USP54: variants seen among roughly 807,000 people sequenced by gnomAD.
The protein encoded by USP54 is ubiquitin specific peptidase 54.
In USP54, 87 loss-of-function variants were observed where a neutral mutation model predicts 170.5. The observed-to-expected ratio is 0.51, with a 90% CI of 0.43 to 0.61. The LOEUF is 0.61. Among genes scored for constraint, USP54 ranks in the 20% least tolerant of loss-of-function variants. The pLI, the probability that USP54 is intolerant of heterozygous loss-of-function variation, is 0.00. For missense variants in USP54, 1,786 were observed against 2,047.8 expected (o/e 0.87, Z 2.47); for synonymous variants, 655 against 742.8 (o/e 0.88, Z 1.92).
chr10:73,500,562 A>AC (rs1416409499), intron 23 of USP54, 93 bp downstream of exon 23: 2 of 1,244,330 alleles, frequency 1.6e-6, no homozygotes, highest in Non-Finnish European at 2.2e-6. Flanking sequence ...ACCTTGGGAT[A>AC]CCCCCCTCCC....
chr10:73,542,568 CA>C (rs573737920), intron 7 of USP54, among the ~76,000 whole-genome samples: 17 of 151,986 alleles, frequency 1.1e-4, no homozygotes, highest in Non-Finnish European at 2.4e-4. Flanking sequence ...GCTAAAAACA[CA>C]AAAAAATTAG....
chr10:73,541,359 G>A lies in USP54; in HGVS notation c.825+16C>T. On this transcript the variant is annotated intron_variant, in intron 9 of 23. Transcript: ENST00000687698. ...GCAAGAACTCAAAGTGAGAGATAAA[G>A]GTAACTAACACGCACATCACCCAGC... The A allele has an allele frequency of 6.2e-7, 1 of 1,613,694 alleles. No homozygotes were observed.
chr10:73,518,831 T>G (rs1462760236), intron 19 of USP54: 1 of 151,644 alleles, frequency 6.6e-6, no homozygotes. Context: ...AACCGATTCT[T>G]CCACCCAAGC....
In USP54 at chr10:73,532,678, C is replaced by T. The variant is rs560219245; in HGVS notation, c.1316-1843G>A. Among the ~76,000 whole-genome samples, 7 of 152,264 alleles carry T rather than the reference C, an allele frequency of 4.6e-5. No individual in the cohort carries two copies. The South Asian group carries it at 1.0e-3, about 23-fold the overall frequency. Reference sequence around the variant, plus strand: ...GAAAGCCAGCACAAGTCTGACAAAACCTCTAGGTCCAACTACCAATTTACA... The same window carrying T: ...GAAAGCCAGCACAAGTCTGACAAAATCTCTAGGTCCAACTACCAATTTACA... On this transcript the variant is annotated intron_variant, in intron 12 of 23. Coordinates refer to ENST00000687698, the MANE Select transcript of USP54 (RefSeq NM_001391956.1).
intron 19 of USP54, 76 bp downstream of exon 19, chr10:73,519,721 A>G: frequency 6.3e-7 from 1 of 1,591,908 alleles, no homozygotes; most frequent in Non-Finnish European, 8.6e-7. Context: ...CAAGACAATG[A>G]GAGCTCTTGC....
At chr10:73,574,759 T>C (rs532865059) in intron 3 of USP54, among the ~76,000 whole-genome samples, 89 of 147,930 alleles carry the variant, frequency 6.0e-4, no homozygotes, top group Non-Finnish European at 9.5e-4. Flanking sequence ...CTCAGGAGAC[T>C]GAGGCAGTAG....
chr10:73,508,127 G>C (rs1183964650), intron 20 of USP54, among the ~76,000 whole-genome samples: 2 of 152,212 alleles, frequency 1.3e-5, no homozygotes, highest in East Asian at 3.8e-4. Context: ...TTAAAAGAAG[G>C]CAGGGTGCGA....
At chr10:73,601,607 G>A (rs756289974) in intron 1 of USP54, among the ~76,000 whole-genome samples, 7 of 151,756 alleles carry the variant, frequency 4.6e-5, no homozygotes, top group Non-Finnish European at 7.4e-5. Context: ...TTCAGTCAGC[G>A]TCTAGAGCAG....
chr10:73,505,319 G>A lies in USP54; in HGVS notation c.4159C>T (p.Arg1387Cys), dbSNP rs745424344. Residue 1387 changes from arginine (R) to cysteine (C), a missense_variant, in exon 21 of 24, where the codon CGT becomes TGT. Coordinates refer to ENST00000687698, the MANE Select transcript of USP54 (RefSeq NM_001391956.1). ...CCTGAGGCTGCTACCTGAGAAGTAC[G>A]CACTGTTCTGGCTTCATGGAGACCA... ...EHGLHEARTV[R>C]TSQATPCRGL... 18 of 1,613,742 alleles carry A rather than the reference G, an allele frequency of 1.1e-5. No homozygotes were observed. The highest frequency in any genetic ancestry group is 2.7e-5 in the African/African-American group (2 of 74,888).
At position 73,520,004 on chromosome 10, in the gene USP54, A is replaced by C. The variant is rs1215728976; in HGVS notation, c.2483-12T>G. The C allele has an allele frequency of 1.3e-6, 2 of 1,581,082 alleles. No individual in the cohort carries two copies. Among genetic ancestry groups the C allele is most frequent in the Admixed American group, 3.7e-5 (2 of 54,528 alleles). ...AAGTCTTAGTTTAGCTAAAATGCAA[A>C]AGAAAATATAGCAGAAACAGAACAC... On this transcript the variant is annotated splice_polypyrimidine_tract_variant and intron_variant, in intron 18 of 23. Transcript: ENST00000687698.
intron 5 of USP54, among the ~76,000 whole-genome samples, chr10:73,545,230 C>T (rs781392499): frequency 6.6e-6 from 1 of 152,158 alleles, no homozygotes; most frequent in Non-Finnish European, 1.5e-5. Flanking sequence ...TATTCCGGGA[C>T]TCCTCTGCCG....
intron 20 of USP54, among the ~76,000 whole-genome samples, chr10:73,508,346 G>A (rs1417837155): frequency 6.6e-6 from 1 of 150,958 alleles, no homozygotes; most frequent in East Asian, 2.0e-4. Flanking sequence ...GGCAGAGGTT[G>A]CAATGAGCTG....
At chr10:73,549,018 A>G (rs1427610370) in intron 4 of USP54, among the ~76,000 whole-genome samples, 1 of 152,282 alleles carries the variant, frequency 6.6e-6, no homozygotes, top group African/African-American at 2.4e-5. Context: ...TGAGTGGTCA[A>G]TTCTTGGTTT....
chr10:73,503,132 A>T (rs1325444776), intron 22 of USP54, among the ~76,000 whole-genome samples: 3 of 151,842 alleles, frequency 2.0e-5, no homozygotes, highest in Non-Finnish European at 4.4e-5. Flanking sequence ...ACTCTCCATC[A>T]TCTCCCCTTG....
chr10:73,523,873 T>TTTATTA (rs141803742), intron 16 of USP54, 123 bp from the exon 17 acceptor site: 1 of 197,838 alleles, frequency 5.1e-6, no homozygotes, highest in Non-Finnish European at 9.0e-6. Flanking sequence ...AGTTTATTTA[T>TTTATTA]TTATTATTTA....
chr10:73,624,759 G>C (rs973387578), intron 1 of USP54, among the ~76,000 whole-genome samples: 1 of 152,172 alleles, frequency 6.6e-6, no homozygotes, highest in African/African-American at 2.4e-5. Flanking sequence ...AAGACTCAAA[G>C]ACTAGATGTT....
At chr10:73,560,949 A>T (rs1447878291) in intron 4 of USP54, among the ~76,000 whole-genome samples, 1 of 150,186 alleles carries the variant, frequency 6.7e-6, no homozygotes, top group Admixed American at 6.7e-5. Flanking sequence ...CTAAAAAAAT[A>T]CAAAAATTAG....
intron 1 of USP54, among the ~76,000 whole-genome samples, chr10:73,578,478 AT>A (rs1218085395): frequency 6.6e-6 from 1 of 151,890 alleles, no homozygotes; most frequent in Non-Finnish European, 1.5e-5. Flanking sequence ...GTCGCGCAAT[AT>A]TGGCTCACTG....
chr10:73,592,734 T>C (rs2078369638), upstream of USP54, among the ~76,000 whole-genome samples: 1 of 152,230 alleles, frequency 6.6e-6, no homozygotes, highest in African/African-American at 2.4e-5. Flanking sequence ...GGGACAGAGT[T>C]ACAGAGCTTC....
Sources: allele counts gnomAD v4.1 joint callset (sites outside exome capture counted in the v4.1 genomes callset), GRCh38; gene constraint gnomAD v4.1.1; transcripts MANE v1.5; gene names NCBI Gene and HGNC (gene_info 2026-07-23, HGNC 2026-07-21).